SH3TC1: variants seen among roughly 807,000 people sequenced by gnomAD.
The protein encoded by SH3TC1 is SH3 domain and tetratricopeptide repeats 1.
Under a neutral mutation model 117.3 loss-of-function variants are expected in SH3TC1, and 135 were observed. The observed-to-expected ratio is 1.15, with a 90% CI of 1.00 to 1.33. The LOEUF (loss-of-function observed/expected upper bound fraction) is 1.33. Ranked by LOEUF, SH3TC1 falls within the 40% of genes most tolerant of loss-of-function variation. The pLI is 0.00. For synonymous variants in SH3TC1, 898 were observed against 816.9 expected, an observed-to-expected ratio of 1.10 and a Z score of -1.69; for missense variants, 2,092 against 1,794.3, an observed-to-expected ratio of 1.17 and a Z score of -3.00.
chr4:8,183,532 G>A lies in SH3TC1; in HGVS notation c.-57+1322G>A, dbSNP rs2152973426. Among the ~76,000 whole-genome samples the A allele has an allele frequency of 6.6e-6, 1 of 152,350 alleles. No homozygotes were observed. Among genetic ancestry groups the A allele is most frequent in the Non-Finnish European group, 1.5e-5 (1 of 68,032 alleles). On this transcript the variant is annotated intron_variant, in intron 1 of 16. Transcript: ENST00000508641. This position sits in a 1 kb window ranked among gnomAD's most constrained non-coding sequence, Gnocchi z 5.4. ...GGCTTGGCTGGGATCCCGCAGTGAC[G>A]CTTGGGTGTCTTTGGGCCTTAAAAG...
chr4:8,200,483 T>C (rs1407882434), intron 1 of SH3TC1, among the ~76,000 whole-genome samples: 1 of 152,172 alleles, frequency 6.6e-6, no homozygotes, highest in African/African-American at 2.4e-5. Context: ...TGGATGGCCA[T>C]AATTATGTGA....
In SH3TC1 at chr4:8,227,524, T is replaced by C; in HGVS notation, c.1830T>C (p.Ile610=). Residue 610 remains isoleucine, a synonymous_variant, in exon 12 of 18, where the codon ATT becomes ATC. Coordinates refer to ENST00000245105, the MANE Select transcript of SH3TC1 (RefSeq NM_018986.5). ...VVAVYANLAS[I]YRKQKNREKC... is the part of the protein sequence containing the mutation. ...CTGTGTACGCCAACCTGGCCAGCAT[T>C]TACCGGAAGCAGAAGAACCGGGAGA... 2 of 1,538,626 alleles carry C rather than the reference T, an allele frequency of 1.3e-6. No individual in the cohort carries two copies. The highest frequency in any genetic ancestry group is 1.7e-6 in the Non-Finnish European group (2 of 1,147,778).
chr4:8,208,614 A>G (rs939411582), intron 2 of SH3TC1, among the ~76,000 whole-genome samples: 10 of 152,066 alleles, frequency 6.6e-5, no homozygotes, highest in African/African-American at 2.2e-4. Flanking sequence ...GAGCCTCCTA[A>G]AGTGCTGGGA....
chr4:8,233,228 G>A lies in SH3TC1; in HGVS notation c.3132-135G>A, dbSNP rs551423518. 2.9e-5 allele frequency: 41 copies of A among 1,436,524 alleles called. 1 individual carries two copies. The East Asian group carries it at 9.7e-4, about 34-fold the overall frequency. The allele number at this position is 1,436,524 out of a possible 1,614,324, so 89.0% of individuals were successfully genotyped here. On this transcript the variant is annotated intron_variant, in intron 13 of 17. Coordinates refer to ENST00000245105, the MANE Select transcript of SH3TC1 (RefSeq NM_018986.5). The stretch of plus-strand genomic sequence containing the variant: ...CCCCACCCTCTCAGCAGCCCGGGAA[G>A]GGCAGGACACTGCACACACAAGAGG...
At chr4:8,221,796 C>T (rs1360214803) in intron 9 of SH3TC1, among the ~76,000 whole-genome samples, 8 of 152,192 alleles carry the variant, frequency 5.3e-5, no homozygotes. Flanking sequence ...CAATGATGGC[C>T]TTTGTAGACA....
In SH3TC1 at chr4:8,209,697, G is replaced by C. The variant is rs749951889; in HGVS notation, c.173-51G>C. ...TGGAGCGTTTGGCGCCTTCAGAGGAGCCAGGCCTTTGCTTGGTCTCCCCTA... is the reference window on the plus strand; with the variant it reads ...TGGAGCGTTTGGCGCCTTCAGAGGACCCAGGCCTTTGCTTGGTCTCCCCTA... On this transcript the variant is annotated intron_variant, in intron 2 of 17. Coordinates refer to ENST00000245105, the MANE Select transcript of SH3TC1 (RefSeq NM_018986.5). This position sits in a 1 kb window ranked among gnomAD's most constrained non-coding sequence, Gnocchi z 5.9. The C allele has an allele frequency of 6.2e-7, 1 of 1,610,842 alleles. No individual in the cohort carries two copies. Among genetic ancestry groups the C allele is most frequent in the Non-Finnish European group, 8.5e-7 (1 of 1,179,048 alleles).
intron 1 of SH3TC1, among the ~76,000 whole-genome samples, chr4:8,203,221 G>A (rs1167852946): frequency 6.6e-6 from 1 of 152,172 alleles, no homozygotes; most frequent in Non-Finnish European, 1.5e-5. Flanking sequence ...AAAAGGCATG[G>A]CAGGGATGGC....
chr4:8,203,331 T>A (rs913595481), intron 1 of SH3TC1, among the ~76,000 whole-genome samples: 1 of 151,998 alleles, frequency 6.6e-6, no homozygotes, highest in Non-Finnish European at 1.5e-5. Context: ...GCCTAGCCCC[T>A]CAGAGCCTCA....
At chr4:8,234,967 T>G (rs146889190) in intron 14 of SH3TC1, among the ~76,000 whole-genome samples, 5 of 152,348 alleles carry the variant, frequency 3.3e-5, no homozygotes, top group African/African-American at 1.2e-4. Flanking sequence ...GTGAAGCTTT[T>G]GTTTTTGAGC....
chr4:8,209,565 G>A lies in SH3TC1; in HGVS notation c.173-183G>A. ...AGCTTGTCACAGCATGCTGGGAAGTGCAGGCAGCTTCCCTCCTTGCTGGGC... is the reference window on the plus strand; with the variant it reads ...AGCTTGTCACAGCATGCTGGGAAGTACAGGCAGCTTCCCTCCTTGCTGGGC... On this transcript the variant is annotated intron_variant, in intron 2 of 17. Coordinates refer to ENST00000245105, the MANE Select transcript of SH3TC1 (RefSeq NM_018986.5). This position sits in a 1 kb window ranked among gnomAD's most constrained non-coding sequence, Gnocchi z 5.9. 1 of 1,384,422 alleles carries A rather than the reference G, an allele frequency of 7.2e-7. No homozygotes were observed. Among genetic ancestry groups the A allele is most frequent in the Non-Finnish European group, 9.9e-7 (1 of 1,012,932 alleles). The allele number at this position is 1,384,422 out of a possible 1,614,324, so 85.8% of individuals were successfully genotyped here. A position where few individuals can be genotyped will look rare whatever the true frequency, so the allele number is the denominator to read the frequency against.
Position 8,227,278 on chromosome 4 carries a change from C to T in SH3TC1, c.1584C>T (p.Ser528=), listed in dbSNP as rs142720934. 4.4e-4 allele frequency: 713 copies of T among 1,605,524 alleles called. 2 individuals are homozygous for T. The highest frequency in any genetic ancestry group is 3.2e-3 in the Middle Eastern group (19 of 5,906). Residue 528 remains serine (S), a synonymous_variant, in exon 12 of 18, where the codon AGC becomes AGT. Transcript: ENST00000245105. ...LYDVALPWLS[S]VFRSFSDEEE... is the part of the protein sequence containing the mutation. The stretch of plus-strand genomic sequence containing the variant: ...ATGTGGCGCTGCCGTGGCTGAGCAG[C>T]GTGTTCCGCAGCTTCAGCGACGAGG...
chr4:8,226,669 T>C (rs1189115198), intron 11 of SH3TC1, among the ~76,000 whole-genome samples: 1 of 152,222 alleles, frequency 6.6e-6, no homozygotes, highest in South Asian at 2.1e-4. Context: ...ATCACTGAGC[T>C]GACACATAGT....
At chr4:8,218,883 G>A (rs1025359162) in intron 8 of SH3TC1, among the ~76,000 whole-genome samples, 4 of 152,090 alleles carry the variant, frequency 2.6e-5, no homozygotes, top group African/African-American at 9.7e-5. Flanking sequence ...GCAAGCTGCC[G>A]GTGTCTGGAT....
chr4:8,194,954 G>A (rs1717516023), upstream of SH3TC1, among the ~76,000 whole-genome samples: 1 of 152,192 alleles, frequency 6.6e-6, no homozygotes, highest in Non-Finnish European at 1.5e-5. Flanking sequence ...AGGAACACAG[G>A]TTTGGTGCTG....
rs368125307 is a variant in SH3TC1 at position 8,231,744 on chromosome 4, G to A, written c.2951-232G>A. The A allele has an allele frequency of 2.7e-4, 154 of 568,702 alleles. 1 individual carries two copies. The highest frequency in any genetic ancestry group is 4.2e-4 in the Non-Finnish European group (135 of 323,926). 35.2% of individuals were successfully genotyped at this position (568,702 alleles called of 1,614,324 possible). On this transcript the variant is annotated intron_variant, in intron 12 of 17. Transcript: ENST00000245105. ...GCAGAAATAGATGGCCTGGTGCAGGGGCCAAGCTCGGCTAGGGCCTCAGCC... is the reference window on the plus strand; with the variant it reads ...GCAGAAATAGATGGCCTGGTGCAGGAGCCAAGCTCGGCTAGGGCCTCAGCC...
intron 14 of SH3TC1, among the ~76,000 whole-genome samples, chr4:8,234,238 CCCATCCATCCATTCACCTGTTTGT>C (rs1239395470): frequency 3.7e-4 from 56 of 149,458 alleles, no homozygotes; most frequent in African/African-American, 1.4e-3. Context: ...CATCCATTCA[CCCATCCATCCATTCACCTGTTTGT>C]CCACCCATCC....
rs1254940563 is a variant in SH3TC1, at chr4:8,233,379, C to A, written c.3148C>A (p.Leu1050Met). The change falls in exon 14 of 18, where the codon CTG becomes ATG. Residue 1050 changes from leucine to methionine, a missense_variant. Coordinates refer to ENST00000245105, the MANE Select transcript of SH3TC1 (RefSeq NM_018986.5). ...TGATACCAGGGCCTACAAATCCGCA[C>A]TGGACTACACCAAACGAAGTCTGGG... ...LGTERAYKSALDYTKRSLGIF... is the reference protein window; with the variant it reads ...LGTERAYKSAMDYTKRSLGIF... The A allele has an allele frequency of 1.2e-6, 2 of 1,610,930 alleles. No individual in the cohort carries two copies. The highest frequency in any genetic ancestry group is 2.2e-5 in the East Asian group (1 of 44,802).
intron 5 of SH3TC1, chr4:8,215,293 C>A: frequency 2.2e-6 from 1 of 453,706 alleles, no homozygotes; most frequent in Non-Finnish European, 4.4e-6. Flanking sequence ...ATTCCAGGCT[C>A]TAACGGAGCC....
At position 8,187,923 on chromosome 4, in the gene SH3TC1, T is replaced by C. The variant is rs185784216; in HGVS notation, c.-57+5713T>C. Among the ~76,000 whole-genome samples the C allele has an allele frequency of 3.9e-3, 601 of 152,300 alleles. 4 individuals are homozygous for C. The highest frequency in any genetic ancestry group is 0.014 in the African/African-American group (576 of 41,556). On this transcript the variant is annotated intron_variant, in intron 1 of 16. Coordinates refer to the SH3TC1 transcript ENST00000508641. Reference sequence around the variant, plus strand: ...TGTTTTGTTGCTCACTTTGTCCCAGTTTTGGCCACTGGGAGCTCTTTCAGT... The same window carrying C: ...TGTTTTGTTGCTCACTTTGTCCCAGCTTTGGCCACTGGGAGCTCTTTCAGT...
Sources: gnomAD v4.1 joint callset for allele counts (sites outside exome capture counted in the v4.1 genomes callset) on GRCh38, gnomAD v4.1.1 for gene constraint, Gnocchi (gnomAD v3.1) non-coding constraint, MANE v1.5 for transcripts, NCBI Gene and HGNC (gene_info 2026-07-23, HGNC 2026-07-21) for gene names.